PLCXD3: variants seen among roughly 807,000 people sequenced by gnomAD.
PLCXD3 encodes the protein phosphatidylinositol specific phospholipase C X domain containing 3.
A neutral mutation model predicts 25.5 loss-of-function variants in PLCXD3; 19 were observed. The ratio of observed to expected loss-of-function variants is 0.75; its 90% CI spans 0.52 to 1.09. The LOEUF (loss-of-function observed/expected upper bound fraction) is 1.09, where lower values mean the gene tolerates loss of function less well. Ranked by LOEUF, PLCXD3 falls within the 50% of genes least tolerant of loss-of-function variation. The pLI, the probability that PLCXD3 is intolerant of heterozygous loss-of-function variation, is 0.00. For missense variants in PLCXD3, 411 were observed against 388.1 expected (o/e 1.06, Z -0.50); for synonymous variants, 174 against 137.6 (o/e 1.26, Z -1.85).
At chr5:41,468,674 T>G (rs1748080264) in intron 1 of PLCXD3, among the ~76,000 whole-genome samples, 1 of 152,214 alleles carries the variant, frequency 6.6e-6, no homozygotes, top group Admixed American at 6.5e-5. Context: ...TCAGATAGTC[T>G]GTTATTAGTA....
intron 1 of PLCXD3, among the ~76,000 whole-genome samples, chr5:41,439,860 C>A (rs943920663): frequency 2.0e-5 from 3 of 152,064 alleles, no homozygotes; most frequent in African/African-American, 7.2e-5. Context: ...TCCAGGGACA[C>A]AAATGAACTA....
At chr5:41,486,556 G>A (rs1748521641) in intron 1 of PLCXD3, among the ~76,000 whole-genome samples, 1 of 152,046 alleles carries the variant, frequency 6.6e-6, no homozygotes, top group Non-Finnish European at 1.5e-5. Flanking sequence ...GCTTCTGGAG[G>A]CTAAGCAGAG....
chr5:41,323,846 C>A (rs182121592), intron 2 of PLCXD3, among the ~76,000 whole-genome samples: 10 of 152,276 alleles, frequency 6.6e-5, no homozygotes, highest in African/African-American at 2.4e-4. Context: ...AGTATTCTGG[C>A]ACGTGGACAT....
rs529739862 is a variant in PLCXD3, at chr5:41,311,193, G to T, written c.*2424C>A. 1.3e-5 allele frequency: 2 copies of T among 152,024 alleles called. No homozygotes were observed. The highest frequency in any genetic ancestry group is 2.9e-5 in the Non-Finnish European group (2 of 67,996). 9.4% of individuals were successfully genotyped at this position (152,024 alleles called of 1,614,324 possible). A position where few individuals can be genotyped will look rare whatever the true frequency, so the allele number is the denominator to read the frequency against. ...GAATAGCCAGTTAGAGAGAAAGTCT[G>T]CCCAAAAACCAAATTTACGGGACAT... On this transcript the variant is annotated 3_prime_UTR_variant, in exon 3 of 3. Coordinates refer to ENST00000377801, the MANE Select transcript of PLCXD3 (RefSeq NM_001005473.3).
At chr5:41,453,770 A>C (rs1747690711) in intron 1 of PLCXD3, among the ~76,000 whole-genome samples, 1 of 152,066 alleles carries the variant, frequency 6.6e-6, no homozygotes, top group South Asian at 2.1e-4. Context: ...TCAGGATAAT[A>C]AATTCATGCA....
chr5:41,509,860 G>GGAGCCGCC, intron 1 of PLCXD3, among the ~76,000 whole-genome samples: 1 of 152,220 alleles, frequency 6.6e-6, no homozygotes, highest in Admixed American at 6.5e-5. Context: ...TTCAAGGGCA[G>GGAGCCGCC]CTATCACGCC....
At position 41,315,816 on chromosome 5, in the gene PLCXD3, C is replaced by T. The variant is rs1743271927; in HGVS notation, c.813-2046G>A. Among the ~76,000 whole-genome samples, 3 of 152,128 alleles carry T rather than the reference C, an allele frequency of 2.0e-5. No homozygotes were observed. The South Asian group carries it at 6.2e-4, about 31-fold the overall frequency. ...TGCTAGAGCAGAAATGAAAACCGGA[C>T]CTAACTCAGCGGACGCCCAGTCACA... On this transcript the variant is annotated intron_variant, in intron 2 of 2. Coordinates refer to ENST00000377801, the MANE Select transcript of PLCXD3 (RefSeq NM_001005473.3).
At chr5:41,490,812 G>C (rs1466695287) in intron 1 of PLCXD3, among the ~76,000 whole-genome samples, 5 of 152,212 alleles carry the variant, frequency 3.3e-5, no homozygotes, top group Non-Finnish European at 7.4e-5. Flanking sequence ...GCATCTATTT[G>C]ATTCTTCTCT....
chr5:41,318,647 A>G (rs1336815864), intron 2 of PLCXD3, among the ~76,000 whole-genome samples: 3 of 152,048 alleles, frequency 2.0e-5, no homozygotes, highest in Non-Finnish European at 4.4e-5. Flanking sequence ...GGTAAAGTCA[A>G]CTTCACTAGA....
intron 1 of PLCXD3, among the ~76,000 whole-genome samples, chr5:41,509,217 G>T (rs1738969566): frequency 6.6e-6 from 1 of 152,086 alleles, no homozygotes. Context: ...AGGGGGCGCT[G>T]GATGGGGCAG....
chr5:41,458,680 T>C (rs1179244815), intron 1 of PLCXD3, among the ~76,000 whole-genome samples: 1 of 151,912 alleles, frequency 6.6e-6, no homozygotes, highest in Non-Finnish European at 1.5e-5. Context: ...ATCTGAATGC[T>C]TTTCTTAGCA....
At chr5:41,400,695 A>G (rs1746153841) in intron 1 of PLCXD3, among the ~76,000 whole-genome samples, 1 of 152,050 alleles carries the variant, frequency 6.6e-6, no homozygotes, top group African/African-American at 2.4e-5. Context: ...GCTGGGAAGA[A>G]TAATGAGGGG....
chr5:41,357,316 A>G (rs1744648056), intron 2 of PLCXD3, among the ~76,000 whole-genome samples: 1 of 152,238 alleles, frequency 6.6e-6, no homozygotes, highest in African/African-American at 2.4e-5. Flanking sequence ...TTGAATTTTT[A>G]AAAAGTTGTT....
chr5:41,478,335 G>A (rs1748324937), intron 1 of PLCXD3, among the ~76,000 whole-genome samples: 2 of 152,096 alleles, frequency 1.3e-5, no homozygotes, highest in South Asian at 4.1e-4. Context: ...AAAGCTAAAA[G>A]GTTTTACTAT....
At chr5:41,347,701 C>T (rs556845682) in intron 2 of PLCXD3, among the ~76,000 whole-genome samples, 4 of 152,326 alleles carry the variant, frequency 2.6e-5, no homozygotes, top group Middle Eastern at 3.4e-3. Flanking sequence ...TATTTTCTCT[C>T]TAACACCTTT....
At chr5:41,418,692 T>C (rs757271169) in intron 1 of PLCXD3, among the ~76,000 whole-genome samples, 1 of 152,170 alleles carries the variant, frequency 6.6e-6, no homozygotes, top group Non-Finnish European at 1.5e-5. Flanking sequence ...CTCTTCTTCC[T>C]GCCACACTGC....
chr5:41,477,294 T>C (rs1015968103), intron 1 of PLCXD3, among the ~76,000 whole-genome samples: 3 of 152,202 alleles, frequency 2.0e-5, no homozygotes, highest in Non-Finnish European at 2.9e-5. Flanking sequence ...TCTTCTAGTA[T>C]AGAGTTTATT....
Position 41,382,489 on chromosome 5 carries a change from A to G in PLCXD3, c.149T>C (p.Val50Ala). The change falls in exon 2 of 3, where the codon GTA (valine) becomes GCA (alanine). Residue 50 changes from valine (V) to alanine (A), a missense_variant. By Grantham distance (64) the Val-to-Ala change is moderately conservative. Transcript: ENST00000377801. Reference protein sequence around the residue: ...FSFYIDEASPVGPEQPETVQN... With the variant: ...FSFYIDEASPAGPEQPETVQN... ...GACAGTTTCTGGCTGCTCAGGACCT[A>G]CTGGAGAGGCTTCATCAATGTAGAA... The G allele has an allele frequency of 6.2e-7, 1 of 1,608,932 alleles. No individual in the cohort carries two copies. The highest frequency in any genetic ancestry group is 8.5e-7 in the Non-Finnish European group (1 of 1,179,448).
chr5:41,368,646 C>T (rs540256250), intron 2 of PLCXD3, among the ~76,000 whole-genome samples: 46 of 152,168 alleles, frequency 3.0e-4, no homozygotes, highest in Admixed American at 4.6e-4. Context: ...CAGCTTTTGC[C>T]CATTCAGTAT....
Sources: allele counts gnomAD v4.1 joint callset (sites outside exome capture counted in the v4.1 genomes callset), GRCh38; gene constraint gnomAD v4.1.1; transcripts MANE v1.5; gene names NCBI Gene and HGNC (gene_info 2026-07-23, HGNC 2026-07-21).